Variants in CDK5RAP2 observed in about 807,000 individuals in gnomAD.
CDK5RAP2 encodes CDK5 regulatory subunit associated protein 2.
CDK5RAP2 carries 147 observed loss-of-function variants against 232.9 expected under a neutral mutation model. The ratio of observed to expected loss-of-function variants is 0.63; its 90% CI spans 0.55 to 0.72. CDK5RAP2 has a LOEUF of 0.72. Ranked by LOEUF, CDK5RAP2 falls within the 30% of genes least tolerant of loss-of-function variation. The pLI is 0.00. For synonymous variants in CDK5RAP2, 833 were observed against 833.7 expected (o/e 1.00, Z 0.01); for missense variants, 2,195 against 2,231.5 (o/e 0.98, Z 0.33).
intron 6 of CDK5RAP2, among the ~76,000 whole-genome samples, chr9:120,538,177 T>A (rs146228347): frequency 1.3e-5 from 2 of 152,154 alleles, no homozygotes; most frequent in Non-Finnish European, 1.5e-5. Flanking sequence ...AATAGCTACA[T>A]AACCCCAAGA....
chr9:120,485,158 C>T (rs987371790), intron 14 of CDK5RAP2, among the ~76,000 whole-genome samples: 9 of 152,090 alleles, frequency 5.9e-5, no homozygotes, highest in South Asian at 2.1e-4. Flanking sequence ...CAGCTAGTAA[C>T]TTTACATTTG....
chr9:120,551,855 G>A (rs10984953), intron 3 of CDK5RAP2, among the ~76,000 whole-genome samples: 3,794 of 152,238 alleles, frequency 0.025, 86 homozygotes, highest in Non-Finnish European at 0.036. Flanking sequence ...ACATGCTAAT[G>A]TACTTAAGAG....
In CDK5RAP2 at chr9:120,580,036, C is replaced by T. The variant is rs567847377; in HGVS notation, c.-58G>A. The T allele has an allele frequency of 3.4e-6, 4 of 1,188,642 alleles. No individual in the cohort carries two copies. Among genetic ancestry groups the T allele is most frequent in the Non-Finnish European group, 5.0e-6 (4 of 805,736 alleles). The allele number at this position is 1,188,642 out of a possible 1,614,324, so 73.6% of individuals were successfully genotyped here. Reference sequence around the variant, plus strand: ...TGGCGGCGGCGCCACTAGTACCCCCCGCGATAGCGACCCGCCGGGCTCCCC... The same window carrying T: ...TGGCGGCGGCGCCACTAGTACCCCCTGCGATAGCGACCCGCCGGGCTCCCC... On this transcript the variant is annotated 5_prime_UTR_variant, in exon 1 of 38. Transcript: ENST00000349780.
chr9:120,569,901 G>A (rs2042787006), intron 2 of CDK5RAP2, among the ~76,000 whole-genome samples: 1 of 152,126 alleles, frequency 6.6e-6, no homozygotes, highest in South Asian at 2.1e-4. Flanking sequence ...ATAGGTGGGT[G>A]AGAACTAGTC....
At chr9:120,572,981 C>T (rs1011493875) in intron 1 of CDK5RAP2, among the ~76,000 whole-genome samples, 6 of 152,206 alleles carry the variant, frequency 3.9e-5, no homozygotes, top group Non-Finnish European at 7.3e-5. Flanking sequence ...GGTCACATGG[C>T]GGTTCTGTGG....
Position 120,439,792 on chromosome 9 carries a change from T to A in CDK5RAP2, c.3329A>T (p.Glu1110Val), listed in dbSNP as rs2035792390. The A allele has an allele frequency of 6.2e-7, 1 of 1,614,176 alleles. No homozygotes were observed. Among genetic ancestry groups the A allele is most frequent in the African/African-American group, 1.3e-5 (1 of 75,042 alleles). The change falls in exon 24 of 38, where the codon GAA (glutamate) becomes GTA (valine). Residue 1110 changes from glutamate to valine, a missense_variant. Glu to Val is a moderately radical substitution (Grantham distance 121). Coordinates refer to ENST00000349780, the MANE Select transcript of CDK5RAP2 (RefSeq NM_018249.6). ...GTCATGGATTTTCTGTTTTAAGTAT[T>A]CTGTCTCATTTGAGGTATTAATGCT... is the stretch of plus-strand genomic sequence containing the variant. Reference protein sequence around the residue: ...SESINTSNETEYLKQKIHDLE... With the variant: ...SESINTSNETVYLKQKIHDLE...
At chr9:120,467,550 C>G (rs562728171) in intron 18 of CDK5RAP2, among the ~76,000 whole-genome samples, 1 of 152,228 alleles carries the variant, frequency 6.6e-6, no homozygotes, top group South Asian at 2.1e-4. Context: ...GGTTGTTATA[C>G]ATACATACAT....
At position 120,453,604 on chromosome 9, in the gene CDK5RAP2, AG is replaced by A; in HGVS notation, c.2644del (p.Leu882CysfsTer2). On this transcript the variant is annotated frameshift_variant, in exon 21 of 38. Transcript: ENST00000349780. LOFTEE classifies it high-confidence loss of function. ...TGTTGCTTCATGCTTGAATCTCAGCAGGTCGCCCTCCGTGGCCACAGTCTGC... is the reference window on the plus strand; with the variant it reads ...TGTTGCTTCATGCTTGAATCTCAGCAGTCGCCCTCCGTGGCCACAGTCTGC... ...SVQTVATEGD[L>X]LRFKHEATRE... The A allele has an allele frequency of 6.2e-7, 1 of 1,614,174 alleles. No individual in the cohort carries two copies. Among genetic ancestry groups the A allele is most frequent in the Non-Finnish European group, 8.5e-7 (1 of 1,180,040 alleles).
At chr9:120,407,427 C>T (rs1299029985) in intron 31 of CDK5RAP2, 179 bp from the exon 32 acceptor site, 6 of 644,830 alleles carry the variant, frequency 9.3e-6, no homozygotes, top group African/African-American at 9.1e-5. Context: ...GACTTAATTG[C>T]TGCTATTCCA....
At chr9:120,472,752 C>A (rs1192771044) in intron 15 of CDK5RAP2, among the ~76,000 whole-genome samples, 1 of 152,162 alleles carries the variant, frequency 6.6e-6, no homozygotes, top group Non-Finnish European at 1.5e-5. Flanking sequence ...AAAATGCACA[C>A]CTCCCAGAAT....
intron 35 of CDK5RAP2, among the ~76,000 whole-genome samples, chr9:120,399,092 G>C (rs1265101361): frequency 6.6e-6 from 1 of 152,176 alleles, no homozygotes; most frequent in Admixed American, 6.5e-5. Context: ...ATCAGAGTGA[G>C]CATAATCAAT....
intron 22 of CDK5RAP2, among the ~76,000 whole-genome samples, chr9:120,446,242 G>A (rs2036180986): frequency 6.6e-6 from 1 of 152,044 alleles, no homozygotes; most frequent in Admixed American, 6.6e-5. Context: ...CCCACAGGCT[G>A]TGGTTTGTCA....
chr9:120,496,733 G>A (rs1292896437), intron 12 of CDK5RAP2, among the ~76,000 whole-genome samples: 3 of 129,724 alleles, frequency 2.3e-5, no homozygotes, highest in African/African-American at 1.0e-4. Flanking sequence ...TCGGGAGGGA[G>A]GTTGGGGGGT....
chr9:120,545,157 G>C (rs1049776518), intron 5 of CDK5RAP2, among the ~76,000 whole-genome samples: 2 of 152,018 alleles, frequency 1.3e-5, no homozygotes, highest in Non-Finnish European at 2.9e-5. Context: ...ATTTACTGTG[G>C]CTGAAGCCCC....
chr9:120,547,731 G>T (rs2041902505), intron 4 of CDK5RAP2, among the ~76,000 whole-genome samples: 1 of 152,148 alleles, frequency 6.6e-6, no homozygotes, highest in Admixed American at 6.5e-5. Flanking sequence ...TAAGGTCATG[G>T]GTGTGTGAAC....
chr9:120,403,442 G>GA lies in CDK5RAP2; in HGVS notation c.5042-372dup, dbSNP rs1046812291. ...GCAGAGTGATGAAGGGCCAGAGCCA[G>GA]AAAAAACAATTATCTGTGCAGGGAG... On this transcript the variant is annotated intron_variant, in intron 33 of 37. Transcript: ENST00000349780. The surrounding 1 kb of genome is among the most constrained non-coding windows in gnomAD (Gnocchi z 4.2). The GA allele has an allele frequency of 1.1e-4, 35 of 314,592 alleles. No individual in the cohort carries two copies. The East Asian group carries it at 1.5e-3, about 14-fold the overall frequency. The allele number at this position is 314,592 out of a possible 1,614,324, so 19.5% of individuals were successfully genotyped here.
At chr9:120,568,908 T>C (rs1488997298) in intron 2 of CDK5RAP2, among the ~76,000 whole-genome samples, 1 of 152,138 alleles carries the variant, frequency 6.6e-6, no homozygotes, top group Admixed American at 6.5e-5. Context: ...AGTGGTTGTG[T>C]TCCAATAAAA....
intron 3 of CDK5RAP2, among the ~76,000 whole-genome samples, chr9:120,561,736 T>A (rs1381652812): frequency 6.6e-6 from 1 of 152,280 alleles, no homozygotes; most frequent in Non-Finnish European, 1.5e-5. Flanking sequence ...TAAGTGAATT[T>A]GCATATTCCA....
chr9:120,471,329 A>G (rs1181141527), intron 16 of CDK5RAP2, among the ~76,000 whole-genome samples: 1 of 152,184 alleles, frequency 6.6e-6, no homozygotes, highest in East Asian at 1.9e-4. Flanking sequence ...ACAGCACTAA[A>G]AACAGTGCTT....
Sources: gnomAD v4.1 joint callset for allele counts (sites outside exome capture counted in the v4.1 genomes callset) on GRCh38, gnomAD v4.1.1 for gene constraint, Gnocchi (gnomAD v3.1) non-coding constraint, MANE v1.5 for transcripts, NCBI Gene and HGNC (gene_info 2026-07-23, HGNC 2026-07-21) for gene names.